ACKR5: variants seen among roughly 807,000 people sequenced by gnomAD.
ACKR5 encodes G protein-coupled receptor 182.
the ACKR5 span, chr12:56,996,107 T>C: frequency 1.8e-5 from 29 of 1,613,778 alleles, no homozygotes; most frequent in Non-Finnish European, 2.5e-5. Flanking sequence ...CCTGCTCTAC[T>C]TCTTCTATGA....
chr12:56,995,842 C>A, the ACKR5 span: 10 of 1,613,722 alleles, frequency 6.2e-6, no homozygotes, highest in African/African-American at 2.7e-5. The surrounding 1 kb of genome is among the most constrained non-coding windows in gnomAD (Gnocchi z 4.7). Flanking sequence ...TTGAAACGTA[C>A]AGCACCTGGG....
the ACKR5 span, chr12:56,997,748 G>A: frequency 6.6e-6 from 1 of 152,314 alleles, no homozygotes; most frequent in Admixed American, 6.5e-5. Flanking sequence ...CTGCTTAAGT[G>A]CTCCATGTGT....
the ACKR5 span, chr12:56,995,145 A>G: frequency 2.0e-6 from 3 of 1,475,698 alleles, no homozygotes; most frequent in Non-Finnish European, 2.8e-6. The surrounding 1 kb of genome is among the most constrained non-coding windows in gnomAD (Gnocchi z 4.7). Flanking sequence ...TGAGGACACA[A>G]GGCTCTCGAG....
the ACKR5 span, chr12:56,995,196 G>A: frequency 5.6e-6 from 9 of 1,606,958 alleles, no homozygotes; most frequent in South Asian, 2.2e-5. This position sits in a 1 kb window ranked among gnomAD's most constrained non-coding sequence, Gnocchi z 4.7. Flanking sequence ...CCCAATAGGC[G>A]TGTGCTGGTC....
the ACKR5 span, chr12:56,995,160 G>C: frequency 6.4e-7 from 1 of 1,558,792 alleles, no homozygotes; most frequent in Admixed American, 1.8e-5. The surrounding 1 kb of genome is among the most constrained non-coding windows in gnomAD (Gnocchi z 4.7). Flanking sequence ...CTCGAGGTCT[G>C]CTTTCCCTTC....
the ACKR5 span, chr12:56,997,189 G>C: frequency 5.6e-4 from 86 of 152,378 alleles, no homozygotes; most frequent in African/African-American, 2.0e-3. Flanking sequence ...CCTCTTACCA[G>C]CTTCGGATCT....
the ACKR5 span, chr12:56,995,904 C>G: frequency 6.2e-7 from 1 of 1,612,638 alleles, no homozygotes; most frequent in Non-Finnish European, 8.5e-7. The surrounding 1 kb of genome is among the most constrained non-coding windows in gnomAD (Gnocchi z 4.7). Context: ...CTGCCCTTCC[C>G]TCTCATCACA....
the ACKR5 span, chr12:56,995,517 T>C: frequency 1.9e-6 from 3 of 1,614,062 alleles, no homozygotes; most frequent in South Asian, 1.1e-5. This position sits in a 1 kb window ranked among gnomAD's most constrained non-coding sequence, Gnocchi z 4.7. Context: ...CTGGGCATTG[T>C]CCTGTCTCTG....
the ACKR5 span, chr12:56,995,737 C>A: frequency 6.2e-7 from 1 of 1,613,846 alleles, no homozygotes; most frequent in East Asian, 2.2e-5. This position sits in a 1 kb window ranked among gnomAD's most constrained non-coding sequence, Gnocchi z 4.7. Flanking sequence ...TGTGTGCAGG[C>A]ATCTGGGTCC....
chr12:56,998,497 C>G, the ACKR5 span: 1 of 152,272 alleles, frequency 6.6e-6, no homozygotes, highest in Admixed American at 6.5e-5. Context: ...CATGTCCCCG[C>G]AAATCAAATG....
At chr12:56,995,961 C>T in the ACKR5 span, 1 of 1,611,980 alleles carries the variant, frequency 6.2e-7, no homozygotes, top group Non-Finnish European at 8.5e-7. This position sits in a 1 kb window ranked among gnomAD's most constrained non-coding sequence, Gnocchi z 4.7. Context: ...CCAGGACAAC[C>T]CAAGAGCCGG....
At chr12:56,995,720 C>G in the ACKR5 span, 2 of 1,613,672 alleles carry the variant, frequency 1.2e-6, no homozygotes, top group African/African-American at 1.3e-5. This position sits in a 1 kb window ranked among gnomAD's most constrained non-coding sequence, Gnocchi z 4.7. Flanking sequence ...CCGAGTGCGG[C>G]GGGCCATGTG....
chr12:56,996,801 A>G, the ACKR5 span: 1 of 193,284 alleles, frequency 5.2e-6, no homozygotes, highest in East Asian at 1.4e-4. Context: ...CTCTGGCTGG[A>G]AACAGTGAAC....
the ACKR5 span, chr12:56,995,349 T>C: frequency 6.2e-7 from 1 of 1,614,212 alleles, no homozygotes; most frequent in African/African-American, 1.3e-5. This position sits in a 1 kb window ranked among gnomAD's most constrained non-coding sequence, Gnocchi z 4.7. Context: ...CACGTGGAGC[T>C]CAGCCAGAGC....
chr12:56,995,847 C>G, the ACKR5 span: 1 of 1,613,568 alleles, frequency 6.2e-7, no homozygotes, highest in Non-Finnish European at 8.5e-7. The surrounding 1 kb of genome is among the most constrained non-coding windows in gnomAD (Gnocchi z 4.7). Flanking sequence ...ACGTACAGCA[C>G]CTGGGCCCTG....
chr12:56,995,209 A>C, the ACKR5 span: 1 of 1,611,486 alleles, frequency 6.2e-7, no homozygotes, highest in Middle Eastern at 1.7e-4. The surrounding 1 kb of genome is among the most constrained non-coding windows in gnomAD (Gnocchi z 4.7). Context: ...TGCTGGTCCC[A>C]ATGTCAGTGA....
the ACKR5 span, chr12:56,996,084 G>GCCACCTGGT: frequency 6.2e-7 from 1 of 1,613,184 alleles, no homozygotes; most frequent in Non-Finnish European, 8.5e-7. Flanking sequence ...TCCCTCCACT[G>GCCACCTGGT]CCACCTGGTC....
chr12:56,995,941 G>A, the ACKR5 span: 2 of 1,612,360 alleles, frequency 1.2e-6, no homozygotes, highest in East Asian at 4.5e-5. This position sits in a 1 kb window ranked among gnomAD's most constrained non-coding sequence, Gnocchi z 4.7. Flanking sequence ...CAGCCTGCCG[G>A]CTGCGGCAGC....
chr12:56,995,191 TA>T, the ACKR5 span: 4 of 1,601,006 alleles, frequency 2.5e-6, no homozygotes, highest in Non-Finnish European at 3.4e-6. This position sits in a 1 kb window ranked among gnomAD's most constrained non-coding sequence, Gnocchi z 4.7. Context: ...TTCATCCCAA[TA>T]GGCGTGTGCT....
Sources: gnomAD v4.1 joint callset for allele counts on GRCh38, gnomAD v4.1.1 for gene constraint, Gnocchi (gnomAD v3.1) non-coding constraint, MANE v1.5 for transcripts, NCBI Gene and HGNC (gene_info 2026-07-23, HGNC 2026-07-21) for gene names.